The following COL9A2 variants were observed in gnomAD, a reference collection of about 807,000 sequenced individuals.
COL9A2 encodes collagen type IX alpha 2 chain, also known as collagen alpha-2(IX) chain.
In COL9A2, 66 loss-of-function variants were observed where a neutral mutation model predicts 111.6. That is an observed-to-expected ratio of 0.59 (90% CI 0.48 to 0.73). COL9A2 has a LOEUF of 0.73. COL9A2 is among the 30% of genes least tolerant of loss of function. The pLI, the probability that COL9A2 is intolerant of heterozygous loss-of-function variation, is 0.00. For missense variants in COL9A2, 881 were observed against 954.1 expected (o/e 0.92, Z 1.01); for synonymous variants, 353 against 364.1 (o/e 0.97, Z 0.35).
At chr1:40,305,014 G>A in intron 21 of COL9A2, 167 bp from the exon 22 acceptor site, 2 of 561,468 alleles carry the variant, frequency 3.6e-6, no homozygotes, top group South Asian at 4.8e-5. Context: ...TCTTTCAAAG[G>A]ACCCAACACA....
chr1:40,302,823 G>A lies in COL9A2; in HGVS notation c.1604-14C>T. The A allele has an allele frequency of 6.5e-7, 1 of 1,537,438 alleles. No homozygotes were observed. Among genetic ancestry groups the A allele is most frequent in the Non-Finnish European group, 8.8e-7 (1 of 1,138,770 alleles). On this transcript the variant is annotated splice_polypyrimidine_tract_variant and intron_variant, in intron 29 of 31. Transcript: ENST00000372748. This position sits in a 1 kb window ranked among gnomAD's most constrained non-coding sequence, Gnocchi z 4.5. ...CTGCCAGTTGCTCTGGAGGGAGGGA[G>A]GGAGGGAGGGAGAGGGAAGTCTATG...
chr1:40,302,839 G>T lies in COL9A2; in HGVS notation c.1604-30C>A. 6.5e-7 allele frequency: 1 copy of T among 1,533,560 alleles called. No individual in the cohort carries two copies. The highest frequency in any genetic ancestry group is 8.8e-7 in the Non-Finnish European group (1 of 1,136,734). The allele number at this position is 1,533,560 out of a possible 1,614,324, so 95.0% of individuals were successfully genotyped here. ...AGGGAGGGAGGGAGGGAGGGAGAGGGAAGTCTATGAGATGGGTGTCAGCAG... is the reference window on the plus strand; with the variant it reads ...AGGGAGGGAGGGAGGGAGGGAGAGGTAAGTCTATGAGATGGGTGTCAGCAG... On this transcript the variant is annotated intron_variant, in intron 29 of 31. Transcript: ENST00000372748. This position sits in a 1 kb window ranked among gnomAD's most constrained non-coding sequence, Gnocchi z 4.5.
At position 40,310,064 on chromosome 1, in the gene COL9A2, CT is replaced by C. The variant is rs1644096376; in HGVS notation, c.792+46del. Reference sequence around the variant, plus strand: ...AGCCATGCCCACTCTGTGGCTGTAGCTGTAGGAGCTCCAGCCTCAGGGGTAG... The same window carrying C: ...AGCCATGCCCACTCTGTGGCTGTAGCGTAGGAGCTCCAGCCTCAGGGGTAG... On this transcript the variant is annotated intron_variant, in intron 15 of 31. Coordinates refer to ENST00000372748, the MANE Select transcript of COL9A2 (RefSeq NM_001852.4). This position sits in a 1 kb window ranked among gnomAD's most constrained non-coding sequence, Gnocchi z 4.9. 6 of 1,613,850 alleles carry C rather than the reference CT, an allele frequency of 3.7e-6. No individual in the cohort carries two copies. In the East Asian group the frequency reaches 1.3e-4, roughly 36 times the overall value.
At chr1:40,306,016 G>A (rs149761016) in intron 20 of COL9A2, 127 bp downstream of exon 20, 1 of 1,077,020 alleles carries the variant, frequency 9.3e-7, no homozygotes, top group Admixed American at 1.8e-5. Flanking sequence ...GCAGGAGGGA[G>A]GTGGTTAGGC....
At position 40,311,079 on chromosome 1, in the gene COL9A2, G is replaced by A. The variant is rs745696294; in HGVS notation, c.630+14C>T. 1.9e-6 allele frequency: 3 copies of A among 1,613,946 alleles called. No homozygotes were observed. Among genetic ancestry groups the A allele is most frequent in the Non-Finnish European group, 1.7e-6 (2 of 1,180,006 alleles). On this transcript the variant is annotated intron_variant, in intron 12 of 31. Transcript: ENST00000372748. This position sits in a 1 kb window ranked among gnomAD's most constrained non-coding sequence, Gnocchi z 5.1. The stretch of plus-strand genomic sequence containing the variant: ...ACGTATCCCTGACCCACAGCCCTCA[G>A]CCCTTGCACTCACCGGCTTCCCCTG...
rs746060830 is a variant in COL9A2 at position 40,317,181 on chromosome 1, G to C, written c.17C>G (p.Ala6Gly). Residue 6 changes from alanine (A) to glycine (G), a missense_variant, in exon 1 of 32, where the codon GCC becomes GGC. Ala to Gly is a moderately conservative substitution (Grantham distance 60). Transcript: ENST00000372748. This position sits in a 1 kb window ranked among gnomAD's most constrained non-coding sequence, Gnocchi z 4.3. ...GAGAACAAGGAGGCTGCGGGGGGAG[G>C]CCGTAGCGGCGGCCATGGCTGGCGG... is the stretch of plus-strand genomic sequence containing the variant. MAAATASPRSLLVLLQ... is the reference protein window; with the variant it reads MAAATGSPRSLLVLLQ... 3 of 1,586,088 alleles carry C rather than the reference G, an allele frequency of 1.9e-6. No homozygotes were observed. Among genetic ancestry groups the C allele is most frequent in the Non-Finnish European group, 2.6e-6 (3 of 1,166,388 alleles).
Position 40,311,267 on chromosome 1 carries a change from G to C in COL9A2, c.539C>G (p.Pro180Arg). ...CAGCCCTGGGGGACCTTTCATTCCG[G>C]GTGGACAGTTGGTTGGACACTGGAA... is the stretch of plus-strand genomic sequence containing the variant. ...ADFLCPTNCP[P>R]GMKGPPGLQG... is the part of the protein sequence containing the mutation. Residue 180 changes from proline to arginine, a missense_variant, in exon 11 of 32, where the codon CCC becomes CGC. Coordinates refer to ENST00000372748, the MANE Select transcript of COL9A2 (RefSeq NM_001852.4). The surrounding 1 kb of genome is among the most constrained non-coding windows in gnomAD (Gnocchi z 5.1). 6.2e-7 allele frequency: 1 copy of C among 1,614,102 alleles called. No individual in the cohort carries two copies. The highest frequency in any genetic ancestry group is 1.1e-5 in the South Asian group (1 of 91,062).
Position 40,306,183 on chromosome 1 carries a change from A to G in COL9A2, c.1013T>C (p.Val338Ala), listed in dbSNP as rs751909501. Residue 338 changes from valine to alanine, a missense_variant, in exon 20 of 32, where the codon GTG (valine) becomes GCG (alanine). Val to Ala is a moderately conservative substitution (Grantham distance 64, BLOSUM62 0). Transcript: ENST00000372748. ...TCCTTTTGTCCCAGGCTGGCCTGGCACACCCTGCAGAAAGAAGTTGAAGTC... is the reference window on the plus strand; with the variant it reads ...TCCTTTTGTCCCAGGCTGGCCTGGCGCACCCTGCAGAAAGAAGTTGAAGTC... ...GSPGHQGLAG[V>A]PGQPGTKGGP... The G allele has an allele frequency of 7.0e-5, 113 of 1,614,002 alleles. No homozygotes were observed. Among genetic ancestry groups the G allele is most frequent in the Non-Finnish European group, 9.1e-5 (107 of 1,180,028 alleles).
Position 40,310,612 on chromosome 1 carries a change from A to T in COL9A2, c.684+102T>A. The T allele has an allele frequency of 9.4e-7, 1 of 1,062,814 alleles. No homozygotes were observed. Among genetic ancestry groups the T allele is most frequent in the Non-Finnish European group, 1.4e-6 (1 of 701,666 alleles). The allele number at this position is 1,062,814 out of a possible 1,614,324, so 65.8% of individuals were successfully genotyped here. A position where few individuals can be genotyped will look rare whatever the true frequency, so the allele number is the denominator to read the frequency against. On this transcript the variant is annotated intron_variant, in intron 13 of 31. Transcript: ENST00000372748. This position sits in a 1 kb window ranked among gnomAD's most constrained non-coding sequence, Gnocchi z 4.9. ...TCCAGAGATGCTCCCAGCTAGACAC[A>T]GGTGTCTCTTTTACAAGCTAGAGGC...
intron 2 of COL9A2, chr1:40,315,106 A>C: frequency 3.8e-6 from 2 of 530,902 alleles, no homozygotes; most frequent in Non-Finnish European, 4.9e-6. Context: ...GAGCTTTCAG[A>C]ATGAGGTATT....
chr1:40,311,571 GC>G lies in COL9A2; in HGVS notation c.472-25del. On this transcript the variant is annotated intron_variant, in intron 9 of 31. Transcript: ENST00000372748. The surrounding 1 kb of genome is among the most constrained non-coding windows in gnomAD (Gnocchi z 5.1). ...CCCTGAGAGGAGACATGAAGATGGA[GC>G]TTGGCCTGACCCTTTCCCGCCGCAG... The G allele has an allele frequency of 6.2e-7, 1 of 1,614,000 alleles. No individual in the cohort carries two copies. Among genetic ancestry groups the G allele is most frequent in the Non-Finnish European group, 8.5e-7 (1 of 1,179,986 alleles).
In COL9A2 at chr1:40,302,898, C is replaced by T. The variant is rs1643937740; in HGVS notation, c.1604-89G>A. The T allele has an allele frequency of 2.2e-6, 3 of 1,364,278 alleles. No individual in the cohort carries two copies. The highest frequency in any genetic ancestry group is 1.3e-5 in the South Asian group (1 of 79,996). 84.5% of individuals were successfully genotyped at this position (1,364,278 alleles called of 1,614,324 possible). On this transcript the variant is annotated intron_variant, in intron 29 of 31. Transcript: ENST00000372748. This position sits in a 1 kb window ranked among gnomAD's most constrained non-coding sequence, Gnocchi z 4.5. ...GGGGAGGCAGAGCATTCCGATGGGC[C>T]CTGGCCCCTAGGTTTGCAGACAGAA...
In COL9A2 at chr1:40,302,695, TGGGGGCCCTGCTTGCCTGGGTACCCAG is replaced by T; in HGVS notation, c.1691_1717del (p.Pro564_Pro572del). The T allele has an allele frequency of 2.5e-6, 4 of 1,591,760 alleles. No homozygotes were observed. Among genetic ancestry groups the T allele is most frequent in the Non-Finnish European group, 3.4e-6 (4 of 1,170,566 alleles). On this transcript the variant is annotated inframe_deletion, in exon 30 of 32. Transcript: ENST00000372748. The surrounding 1 kb of genome is among the most constrained non-coding windows in gnomAD (Gnocchi z 4.5). ...AACGCCCCGAGGGCCAGGGTGCCCA[TGGGGGCCCTGCTTGCCTGGGTACCCAG>T]GGGGCCCAGGAGGTCCTGGAGGACC...
chr1:40,307,313 G>A lies in COL9A2; in HGVS notation c.1008+133C>T, dbSNP rs369343156. On this transcript the variant is annotated intron_variant, in intron 19 of 31. Transcript: ENST00000372748. This position sits in a 1 kb window ranked among gnomAD's most constrained non-coding sequence, Gnocchi z 4.8. ...TAATTGTCCAAGTAATGAAGCCTTC[G>A]CCAGGCCAGGGGCCACAGAGTTGGT... 49 of 866,716 alleles carry A rather than the reference G, an allele frequency of 5.7e-5. 1 individual carries two copies. The South Asian group carries it at 6.5e-4, about 11-fold the overall frequency. The allele number at this position is 866,716 out of a possible 1,614,324, so 53.7% of individuals were successfully genotyped here.
At chr1:40,313,834 G>A (rs1203524825) in intron 4 of COL9A2, among the ~76,000 whole-genome samples, 3 of 152,162 alleles carry the variant, frequency 2.0e-5, no homozygotes, top group African/African-American at 7.2e-5. Context: ...GGGGCTGTGG[G>A]TAGGGGTCAG....
In COL9A2 at chr1:40,311,196, C is replaced by G; in HGVS notation, c.576+34G>C. 6.2e-7 allele frequency: 1 copy of G among 1,614,194 alleles called. No individual in the cohort carries two copies. Among genetic ancestry groups the G allele is most frequent in the Non-Finnish European group, 8.5e-7 (1 of 1,180,004 alleles). ...ACGAGGTCCCCTCCTGTCACCTGCACCACCCTCCCAAGATTCAGGCCAGGA... is the reference window on the plus strand; with the variant it reads ...ACGAGGTCCCCTCCTGTCACCTGCAGCACCCTCCCAAGATTCAGGCCAGGA... On this transcript the variant is annotated intron_variant, in intron 11 of 31. Coordinates refer to ENST00000372748, the MANE Select transcript of COL9A2 (RefSeq NM_001852.4). The surrounding 1 kb of genome is among the most constrained non-coding windows in gnomAD (Gnocchi z 5.1).
At position 40,303,021 on chromosome 1, in the gene COL9A2, C is replaced by A. The variant is rs1426486900; in HGVS notation, c.1603+110G>T. On this transcript the variant is annotated intron_variant, in intron 29 of 31. Coordinates refer to ENST00000372748, the MANE Select transcript of COL9A2 (RefSeq NM_001852.4). This position sits in a 1 kb window ranked among gnomAD's most constrained non-coding sequence, Gnocchi z 4.6. ...CCTTCAGAGACTGGACTGGAAGGAG[C>A]CCCCAGGACTCCAGATTTTCAGACA... 2 of 1,214,780 alleles carry A rather than the reference C, an allele frequency of 1.6e-6. No homozygotes were observed. Among genetic ancestry groups the A allele is most frequent in the East Asian group, 2.5e-5 (1 of 39,330 alleles). 75.3% of individuals were successfully genotyped at this position (1,214,780 alleles called of 1,614,324 possible).
intron 24 of COL9A2, 34 bp downstream of exon 24, chr1:40,304,286 C>T (rs1431342024): frequency 6.4e-7 from 1 of 1,551,144 alleles, no homozygotes; most frequent in Non-Finnish European, 8.7e-7. Flanking sequence ...TTATAGGGCC[C>T]CTTTCCCAGG....
In COL9A2 at chr1:40,314,827, G is replaced by A. The variant is rs1644190071; in HGVS notation, c.151-440C>T. On this transcript the variant is annotated intron_variant, in intron 2 of 31. Transcript: ENST00000372748. The surrounding 1 kb of genome is among the most constrained non-coding windows in gnomAD (Gnocchi z 4.1). Reference sequence around the variant, plus strand: ...GCAGGGCAGGAGAACGGGAAGCTGAGCCAGTGGCAAGGACCAAGGGGGACT... The same window carrying A: ...GCAGGGCAGGAGAACGGGAAGCTGAACCAGTGGCAAGGACCAAGGGGGACT... Among the ~76,000 whole-genome samples, 1 of 152,180 alleles carries A rather than the reference G, an allele frequency of 6.6e-6. No individual in the cohort carries two copies. Among genetic ancestry groups the A allele is most frequent in the Non-Finnish European group, 1.5e-5 (1 of 68,032 alleles).
Sources: allele counts gnomAD v4.1 joint callset (sites outside exome capture counted in the v4.1 genomes callset), GRCh38; gene constraint gnomAD v4.1.1; non-coding constraint Gnocchi (gnomAD v3.1); transcripts MANE v1.5; gene names NCBI Gene and HGNC (gene_info 2026-07-23, HGNC 2026-07-21).